DOK5: variants seen among roughly 807,000 people sequenced by gnomAD.
DOK5 encodes docking protein 5.
DOK5 carries 27 observed loss-of-function variants against 43.3 expected under a neutral mutation model. The ratio of observed to expected loss-of-function variants is 0.62; its 90% CI spans 0.46 to 0.86. The LOEUF (loss-of-function observed/expected upper bound fraction) is 0.86, where lower values mean the gene tolerates loss of function less well. Among genes scored for constraint, DOK5 ranks in the 40% least tolerant of loss-of-function variants. The probability of loss-of-function intolerance (pLI) is 0.00; values close to 1 mark genes in which losing one functional copy is unlikely to be tolerated. For missense variants in DOK5, 373 were observed against 392.9 expected, an observed-to-expected ratio of 0.95 and a Z score of 0.43; for synonymous variants, 146 against 140.1, an observed-to-expected ratio of 1.04 and a Z score of -0.30.
chr20:54,596,343 C>T (rs753703676), intron 5 of DOK5, among the ~76,000 whole-genome samples: 14 of 152,210 alleles, frequency 9.2e-5, no homozygotes, highest in Middle Eastern at 3.2e-3. Context: ...AAGTAGTTTT[C>T]ACATATCCAA....
intron 2 of DOK5, among the ~76,000 whole-genome samples, chr20:54,570,840 T>C (rs148985510): frequency 9.8e-5 from 15 of 152,364 alleles, no homozygotes; most frequent in African/African-American, 3.6e-4. Context: ...AGTTACAAAA[T>C]AATCCATTTG....
At chr20:54,479,927 T>C (rs1032663475) in intron 1 of DOK5, among the ~76,000 whole-genome samples, 1 of 152,010 alleles carries the variant, frequency 6.6e-6, no homozygotes, top group Non-Finnish European at 1.5e-5. Context: ...CAGGAGATCT[T>C]GTGGGCTGTA....
intron 2 of DOK5, among the ~76,000 whole-genome samples, chr20:54,562,246 A>G (rs573083165): frequency 6.6e-6 from 1 of 152,296 alleles, no homozygotes; most frequent in Admixed American, 6.5e-5. Flanking sequence ...TTCTTGGCCT[A>G]CTTATACTAG....
At chr20:54,627,538 G>A (rs1328957930) in intron 6 of DOK5, among the ~76,000 whole-genome samples, 2 of 152,208 alleles carry the variant, frequency 1.3e-5, no homozygotes, top group African/African-American at 2.4e-5. Flanking sequence ...GGAACTGAAA[G>A]GAAGAAACAG....
intron 1 of DOK5, among the ~76,000 whole-genome samples, chr20:54,531,867 C>T (rs1568770069): frequency 6.6e-6 from 1 of 152,142 alleles, no homozygotes; most frequent in Non-Finnish European, 1.5e-5. Context: ...GCAGGCTCTG[C>T]CCCTCATAGA....
At position 54,591,608 on chromosome 20, in the gene DOK5, T is replaced by C; in HGVS notation, c.410-8T>C. On this transcript the variant is annotated splice_polypyrimidine_tract_variant and splice_region_variant and intron_variant, in intron 4 of 7. Transcript: ENST00000262593. Reference sequence around the variant, plus strand: ...GGATTTTAGACTAACCTTTTGTTTTTCTCCCAGAGAGATTCAATGTGTATT... The same window carrying C: ...GGATTTTAGACTAACCTTTTGTTTTCCTCCCAGAGAGATTCAATGTGTATT... 9 of 1,561,804 alleles carry C rather than the reference T, an allele frequency of 5.8e-6. No individual in the cohort carries two copies. Among genetic ancestry groups the C allele is most frequent in the Non-Finnish European group, 7.8e-6 (9 of 1,151,728 alleles).
chr20:54,545,507 C>T (rs376196557), intron 1 of DOK5, among the ~76,000 whole-genome samples: 233 of 152,248 alleles, frequency 1.5e-3, no homozygotes, highest in African/African-American at 5.3e-3. Context: ...TTAGCCTGAA[C>T]ACTAGTTTAC....
At chr20:54,531,978 C>A (rs1376277602) in intron 1 of DOK5, among the ~76,000 whole-genome samples, 2 of 152,046 alleles carry the variant, frequency 1.3e-5, no homozygotes, top group East Asian at 1.9e-4. Context: ...ATGAGAGGGG[C>A]CTCTCATGTA....
intron 5 of DOK5, among the ~76,000 whole-genome samples, chr20:54,603,049 AC>A (rs1986346814): frequency 6.6e-6 from 1 of 152,238 alleles, no homozygotes; most frequent in African/African-American, 2.4e-5. Context: ...ATTCTAACTT[AC>A]AAAAATATAT....
intron 1 of DOK5, among the ~76,000 whole-genome samples, chr20:54,483,548 G>GA (rs1363496699): frequency 6.6e-6 from 1 of 152,180 alleles, no homozygotes; most frequent in African/African-American, 2.4e-5. Flanking sequence ...ATATTGAAGT[G>GA]AAAAGATGCC....
rs144624737 is a variant in DOK5 at position 54,523,863 on chromosome 20, G to A, written c.67-31070G>A. Among the ~76,000 whole-genome samples, 29 of 152,114 alleles carry A rather than the reference G, an allele frequency of 1.9e-4. No homozygotes were observed. In the East Asian group the frequency reaches 5.1e-3, roughly 27 times the overall value. On this transcript the variant is annotated intron_variant, in intron 1 of 7. Transcript: ENST00000262593. ...GGTAATCCACATGCCTTGGCCTCCC[G>A]AAGTGCTGGGATTACAGACATGAGC...
chr20:54,503,436 A>G (rs2146680050), intron 1 of DOK5, among the ~76,000 whole-genome samples: 1 of 152,234 alleles, frequency 6.6e-6, no homozygotes, highest in East Asian at 1.9e-4. Flanking sequence ...TCTAATTCAT[A>G]GTTTTGTTGC....
chr20:54,608,566 A>G (rs1986541907), intron 5 of DOK5, among the ~76,000 whole-genome samples: 1 of 152,186 alleles, frequency 6.6e-6, no homozygotes, highest in Admixed American at 6.5e-5. Context: ...TTGGGTTAAA[A>G]TGACTTAATA....
chr20:54,501,451 A>G (rs1323041013), intron 1 of DOK5, among the ~76,000 whole-genome samples: 1 of 133,286 alleles, frequency 7.5e-6, no homozygotes, highest in African/African-American at 3.0e-5. Flanking sequence ...TGGGTGACAG[A>G]GCGAGACTCA....
intron 7 of DOK5, among the ~76,000 whole-genome samples, chr20:54,647,005 G>A (rs1979463322): frequency 6.6e-6 from 1 of 151,444 alleles, no homozygotes; most frequent in Admixed American, 6.6e-5. Context: ...TTCAAATGTA[G>A]TCTTCGAGAG....
chr20:54,598,931 A>G (rs1986226080), intron 5 of DOK5, among the ~76,000 whole-genome samples: 1 of 152,202 alleles, frequency 6.6e-6, no homozygotes, highest in Non-Finnish European at 1.5e-5. Flanking sequence ...ATAACTTTTC[A>G]TTCAAGAAAA....
chr20:54,561,248 T>C (rs1362473971), intron 2 of DOK5, among the ~76,000 whole-genome samples: 2 of 152,184 alleles, frequency 1.3e-5, no homozygotes, highest in Non-Finnish European at 2.9e-5. Flanking sequence ...CAGGGCTTTA[T>C]TTTCATGGTG....
At chr20:54,548,201 C>T (rs138638182) in intron 1 of DOK5, among the ~76,000 whole-genome samples, 32 of 152,118 alleles carry the variant, frequency 2.1e-4, no homozygotes, top group African/African-American at 7.0e-4. Context: ...AATTCTCATA[C>T]AGTGTATTTA....
chr20:54,478,867 A>C lies in DOK5; in HGVS notation c.66+2855A>C, dbSNP rs1044580181. Among the ~76,000 whole-genome samples, 4 of 152,198 alleles carry C rather than the reference A, an allele frequency of 2.6e-5. No homozygotes were observed. In the East Asian group the frequency reaches 7.7e-4, roughly 29 times the overall value. Reference sequence around the variant, plus strand: ...ATCAAAGATGAGTTAGGATTGGTAGACGGATATAGGAATTATCTATTTCCT... The same window carrying C: ...ATCAAAGATGAGTTAGGATTGGTAGCCGGATATAGGAATTATCTATTTCCT... On this transcript the variant is annotated intron_variant, in intron 1 of 7. Coordinates refer to ENST00000262593, the MANE Select transcript of DOK5 (RefSeq NM_018431.5).
Sources: allele counts gnomAD v4.1 joint callset (sites outside exome capture counted in the v4.1 genomes callset), GRCh38; gene constraint gnomAD v4.1.1; transcripts MANE v1.5; gene names NCBI Gene and HGNC (gene_info 2026-07-23, HGNC 2026-07-21).